The following NTN1 variants were observed in gnomAD, a reference collection of about 807,000 sequenced individuals.
The protein encoded by NTN1 is netrin-1.
A neutral mutation model predicts 54.2 loss-of-function variants in NTN1; 11 were observed. That is an observed-to-expected ratio of 0.20 (90% CI 0.13 to 0.34). The LOEUF (loss-of-function observed/expected upper bound fraction) is 0.34. Ranked by LOEUF, NTN1 falls within the 10% of genes least tolerant of loss-of-function variation. NTN1 has a pLI of 1.00. For synonymous variants in NTN1, 371 were observed against 382.0 expected, an observed-to-expected ratio of 0.97 and a Z score of 0.33; for missense variants, 740 against 893.1, an observed-to-expected ratio of 0.83 and a Z score of 2.18.
intron 2 of NTN1, among the ~76,000 whole-genome samples, chr17:9,087,800 A>G (rs2142229865): frequency 6.6e-6 from 1 of 152,328 alleles, no homozygotes; most frequent in Non-Finnish European, 1.5e-5. Flanking sequence ...CGGCTTTCAC[A>G]TAAAGCCAGA....
At chr17:9,142,294 G>GAA (rs76675961) in intron 2 of NTN1, among the ~76,000 whole-genome samples, 5 of 123,164 alleles carry the variant, frequency 4.1e-5, no homozygotes, top group African/African-American at 1.4e-4. Flanking sequence ...ATCTCAAAAA[G>GAA]AAAAAAAAAA....
At chr17:9,131,097 T>C (rs1375100203) in intron 2 of NTN1, among the ~76,000 whole-genome samples, 1 of 152,220 alleles carries the variant, frequency 6.6e-6, no homozygotes, top group Non-Finnish European at 1.5e-5. Flanking sequence ...TTGCACTGGC[T>C]GTTTCCTCTC....
intron 2 of NTN1, among the ~76,000 whole-genome samples, chr17:9,085,638 T>C (rs1324248889): frequency 6.6e-6 from 1 of 152,184 alleles, no homozygotes; most frequent in African/African-American, 2.4e-5. Context: ...CTCAGTGACT[T>C]CGTCTGTGAA....
In NTN1 at chr17:9,243,874, CTTT is replaced by C. The variant is rs1906318186; in HGVS notation, c.*3907_*3909del. On this transcript the variant is annotated 3_prime_UTR_variant, in exon 7 of 7. Transcript: ENST00000173229. ...ATGGAAAAAGTTGTGGATTTTCTTT[CTTT>C]CCTTTTTTTTGGGGGGGGGTGGGGG... is the stretch of plus-strand genomic sequence containing the variant. 1 of 106,362 alleles carries C rather than the reference CTTT, an allele frequency of 9.4e-6. No homozygotes were observed. Among genetic ancestry groups the C allele is most frequent in the Non-Finnish European group, 1.8e-5 (1 of 54,142 alleles). 6.6% of individuals were successfully genotyped at this position (106,362 alleles called of 1,614,324 possible).
chr17:9,096,923 A>G (rs2092134030), intron 2 of NTN1, among the ~76,000 whole-genome samples: 4 of 152,200 alleles, frequency 2.6e-5, no homozygotes. Context: ...TACATAATTG[A>G]AAAACATTCT....
chr17:9,178,481 T>C lies in NTN1; in HGVS notation c.1208-1326T>C, dbSNP rs79755685. ...TCCCTCCTCTTCCTAATTCTCCTCA[T>C]TGGCCACTCCTGGGCCCGAGGCCGG... On this transcript the variant is annotated intron_variant, in intron 3 of 6. Coordinates refer to ENST00000173229, the MANE Select transcript of NTN1 (RefSeq NM_004822.3). Among the ~76,000 whole-genome samples, 913 of 152,340 alleles carry C rather than the reference T, an allele frequency of 6.0e-3. 10 individuals carry two copies. Among genetic ancestry groups the C allele is most frequent in the African/African-American group, 0.021 (862 of 41,582 alleles).
chr17:9,171,842 G>C (rs919369652), intron 3 of NTN1: 1 of 152,374 alleles, frequency 6.6e-6, no homozygotes, highest in Non-Finnish European at 1.5e-5. Flanking sequence ...GCACTGGAAG[G>C]CTGGAAGGAG....
At chr17:9,007,057 G>A in the NTN1 span, among the ~76,000 whole-genome samples, 2 of 152,208 alleles carry the variant, frequency 1.3e-5, no homozygotes, top group Admixed American at 6.5e-5. Flanking sequence ...TAGCCGCCAT[G>A]GTTATAATTA....
At chr17:9,089,559 G>A (rs2092102323) in intron 2 of NTN1, among the ~76,000 whole-genome samples, 6 of 152,286 alleles carry the variant, frequency 3.9e-5, no homozygotes, top group Admixed American at 3.9e-4. Flanking sequence ...TGTCTCAGAT[G>A]TTCCCTGTTC....
intron 5 of NTN1, among the ~76,000 whole-genome samples, chr17:9,220,289 G>C (rs898113097): frequency 6.6e-6 from 1 of 152,238 alleles, no homozygotes; most frequent in African/African-American, 2.4e-5. Flanking sequence ...ATGAGATCCT[G>C]CCTGCTGAGT....
At chr17:9,204,193 C>CTCCTTCCT (rs377435744) in intron 5 of NTN1, among the ~76,000 whole-genome samples, 6,058 of 147,104 alleles carry the variant, frequency 0.041, 205 homozygotes, top group African/African-American at 0.085. Context: ...CCTTCCTTCC[C>CTCCTTCCT]TCCTTCCTTC....
At chr17:9,197,007 G>A (rs188983863) in intron 5 of NTN1, among the ~76,000 whole-genome samples, 3 of 151,830 alleles carry the variant, frequency 2.0e-5, no homozygotes, top group Admixed American at 6.6e-5. Context: ...TTTACACTTC[G>A]GAAGTTGACA....
intron 2 of NTN1, among the ~76,000 whole-genome samples, chr17:9,083,186 C>T (rs1359385511): frequency 6.6e-6 from 1 of 152,168 alleles, no homozygotes; most frequent in Non-Finnish European, 1.5e-5. Context: ...GCAAGCTCCG[C>T]CTCCCAGGTT....
intron 2 of NTN1, among the ~76,000 whole-genome samples, chr17:9,026,650 C>A (rs113166429): frequency 5.3e-5 from 8 of 151,934 alleles, no homozygotes; most frequent in South Asian, 2.1e-4. Flanking sequence ...CCCCTTCCCC[C>A]CTCCCCGCCC....
At chr17:9,217,812 C>G (rs1327976524) in intron 5 of NTN1, among the ~76,000 whole-genome samples, 1 of 139,506 alleles carries the variant, frequency 7.2e-6, no homozygotes, top group Non-Finnish European at 1.5e-5. Context: ...AACAAGCACA[C>G]TGATCTGACA....
chr17:9,024,331 C>A (rs2091863269), intron 2 of NTN1, among the ~76,000 whole-genome samples: 2 of 152,162 alleles, frequency 1.3e-5, no homozygotes, highest in Admixed American at 1.3e-4. Context: ...GGGGAGGTAG[C>A]AAGACTACAC....
chr17:9,199,257 C>T (rs929169958), intron 5 of NTN1, among the ~76,000 whole-genome samples: 1 of 152,230 alleles, frequency 6.6e-6, no homozygotes, highest in African/African-American at 2.4e-5. Context: ...ATTCTCCTGC[C>T]TCAGCCTCCC....
chr17:9,068,806 C>T (rs1457300080), intron 2 of NTN1, among the ~76,000 whole-genome samples: 1 of 152,156 alleles, frequency 6.6e-6, no homozygotes, highest in African/African-American at 2.4e-5. Context: ...CCGCGCCTGG[C>T]CCGATTTTTT....
the NTN1 span, among the ~76,000 whole-genome samples, chr17:9,008,869 C>A: frequency 6.6e-6 from 1 of 152,062 alleles, no homozygotes; most frequent in Non-Finnish European, 1.5e-5. Context: ...ATCCAAACCC[C>A]AGCTCTACTA....
Sources: gnomAD v4.1 joint callset for allele counts (sites outside exome capture counted in the v4.1 genomes callset) on GRCh38, gnomAD v4.1.1 for gene constraint, MANE v1.5 for transcripts, NCBI Gene and HGNC (gene_info 2026-07-23, HGNC 2026-07-21) for gene names.